IQSEC1: variants seen among roughly 807,000 people sequenced by gnomAD.
The protein encoded by IQSEC1 is IQ motif and SEC7 domain-containing protein 1.
IQSEC1 carries 31 observed loss-of-function variants against 91.0 expected under a neutral mutation model. That is an observed-to-expected ratio of 0.34 (90% confidence interval 0.26 to 0.46). IQSEC1 has a LOEUF of 0.46. Ranked by LOEUF, IQSEC1 falls within the 20% of genes least tolerant of loss-of-function variation. The pLI is 1.00. For missense variants in IQSEC1, 1,388 were observed against 1,575.6 expected (o/e 0.88, Z 2.02); for synonymous variants, 699 against 662.6 (o/e 1.05, Z -0.84).
intron 1 of IQSEC1, among the ~76,000 whole-genome samples, chr3:13,002,930 A>C (rs1702482725): frequency 6.6e-6 from 1 of 152,236 alleles, no homozygotes; most frequent in South Asian, 2.1e-4. Flanking sequence ...ATTTCTAAAA[A>C]GTTAAACAGA....
Position 13,259,400 on chromosome 3 carries a change from C to T in IQSEC1, c.272+23311G>A, listed in dbSNP as rs543517753. ...AGCGTCAGGGGAACTGACTGCTGGC[C>T]TGCACTAAGCCCAGTGCCATATTCT... On this transcript the variant is annotated intron_variant, in intron 1 of 15. Coordinates refer to the IQSEC1 transcript ENST00000648114. The surrounding 1 kb of genome is among the most constrained non-coding windows in gnomAD (Gnocchi z 4.6). Among the ~76,000 whole-genome samples, 1 of 152,304 alleles carries T rather than the reference C, an allele frequency of 6.6e-6. No individual in the cohort carries two copies. The highest frequency in any genetic ancestry group is 6.5e-5 in the Admixed American group (1 of 15,312).
chr3:13,038,559 T>A (rs144846281), intron 1 of IQSEC1, among the ~76,000 whole-genome samples: 9 of 152,002 alleles, frequency 5.9e-5, no homozygotes, highest in African/African-American at 1.9e-4. Context: ...ATAGAAGGAA[T>A]GAGTAAGTGA....
chr3:12,941,984 AC>A lies in IQSEC1; in HGVS notation c.24-120del, dbSNP rs554163575. ...GAGCCCCCATGCCCGTTCTTCTCACACCCCATGGCTGAGTCCACATGTGCAG... is the reference window on the plus strand; with the variant it reads ...GAGCCCCCATGCCCGTTCTTCTCACACCCATGGCTGAGTCCACATGTGCAG... On this transcript the variant is annotated intron_variant, in intron 1 of 13. Transcript: ENST00000613206. 33 of 935,720 alleles carry A rather than the reference AC, an allele frequency of 3.5e-5. No homozygotes were observed. The African/African-American group carries it at 4.5e-4, about 13-fold the overall frequency. The allele number at this position is 935,720 out of a possible 1,614,324, so 58.0% of individuals were successfully genotyped here.
chr3:12,973,764 TTTAATG>T (rs565843798), intron 1 of IQSEC1, among the ~76,000 whole-genome samples: 1 of 152,194 alleles, frequency 6.6e-6, no homozygotes, highest in Non-Finnish European at 1.5e-5. Context: ...ACAAAGTGGC[TTTAATG>T]TTAAAGTCTG....
chr3:13,091,439 C>A (rs1215126411), intron 2 of IQSEC1, among the ~76,000 whole-genome samples: 2 of 152,236 alleles, frequency 1.3e-5, no homozygotes, highest in Non-Finnish European at 2.9e-5. Flanking sequence ...TGGAATGAGA[C>A]CCAGGACAGT....
At chr3:13,109,618 G>A (rs34602178) in intron 2 of IQSEC1, among the ~76,000 whole-genome samples, 16,231 of 151,822 alleles carry the variant, frequency 0.11, 975 homozygotes, top group Non-Finnish European at 0.12. Context: ...GGCAAGATCC[G>A]GTCATTTAGA....
chr3:13,267,906 C>G (rs182951112), intron 1 of IQSEC1, among the ~76,000 whole-genome samples: 1 of 152,168 alleles, frequency 6.6e-6, no homozygotes, highest in Non-Finnish European at 1.5e-5. Flanking sequence ...TGTGAACCAC[C>G]GCGCCTGGCC....
intron 2 of IQSEC1, among the ~76,000 whole-genome samples, chr3:13,153,997 G>A (rs373143850): frequency 2.6e-5 from 4 of 152,086 alleles, no homozygotes; most frequent in African/African-American, 9.7e-5. Flanking sequence ...CATGAGGCAG[G>A]GCATGGAGGG....
chr3:13,096,870 T>C (rs1705973973), intron 2 of IQSEC1, among the ~76,000 whole-genome samples: 1 of 151,056 alleles, frequency 6.6e-6, no homozygotes. Context: ...CTTTCTTTTT[T>C]TTTTTTTTGA....
chr3:12,936,916 GT>G (rs549408443), intron 2 of IQSEC1, among the ~76,000 whole-genome samples: 61 of 151,872 alleles, frequency 4.0e-4, no homozygotes, highest in African/African-American at 1.4e-3. Flanking sequence ...GTGCAACCAT[GT>G]TTTTCCTCTC....
At chr3:13,139,530 A>T (rs1350954746) in intron 2 of IQSEC1, among the ~76,000 whole-genome samples, 2 of 152,248 alleles carry the variant, frequency 1.3e-5, no homozygotes, top group African/African-American at 4.8e-5. Flanking sequence ...TGCAGGTCTC[A>T]TCCTGCTACT....
intron 1 of IQSEC1, among the ~76,000 whole-genome samples, chr3:13,036,901 GCAT>G (rs1704058212): frequency 6.6e-6 from 1 of 152,180 alleles, no homozygotes; most frequent in Non-Finnish European, 1.5e-5. Context: ...CCAGACAACG[GCAT>G]CCACGGCATG....
chr3:13,091,522 C>T (rs1167391761), intron 2 of IQSEC1, among the ~76,000 whole-genome samples: 2 of 152,112 alleles, frequency 1.3e-5, no homozygotes, highest in African/African-American at 4.8e-5. Context: ...TTCCCCTGGC[C>T]TCCTGGCCTC....
intron 1 of IQSEC1, among the ~76,000 whole-genome samples, chr3:13,070,955 T>C (rs905115479): frequency 6.6e-6 from 1 of 152,146 alleles, no homozygotes; most frequent in African/African-American, 2.4e-5. Context: ...TTGGAATCCA[T>C]ATAGAACATT....
At chr3:13,072,922 C>T in intron 1 of IQSEC1, 70 bp downstream of exon 1, 1 of 1,410,230 alleles carries the variant, frequency 7.1e-7, no homozygotes, top group Non-Finnish European at 9.8e-7. Context: ...ATGCCCCTCA[C>T]TCCAGCTCCC....
intron 1 of IQSEC1, among the ~76,000 whole-genome samples, chr3:13,002,882 A>AAT (rs35885161): frequency 0.68 from 103,157 of 151,846 alleles, 35,419 homozygotes; most frequent in East Asian, 0.87. Flanking sequence ...CACTGGTGGG[A>AAT]ACAAAAAGAT....
intron 1 of IQSEC1, among the ~76,000 whole-genome samples, chr3:13,273,654 G>A (rs528554341): frequency 6.6e-6 from 1 of 152,302 alleles, no homozygotes; most frequent in South Asian, 2.1e-4. Context: ...CAGCTCTGCA[G>A]CATCTCCTGA....
intron 1 of IQSEC1, among the ~76,000 whole-genome samples, chr3:13,051,776 T>C (rs1704700600): frequency 6.6e-6 from 1 of 152,258 alleles, no homozygotes; most frequent in South Asian, 2.1e-4. Flanking sequence ...CCTGCCTCAG[T>C]TTCCCTCTGC....
chr3:13,069,469 T>G (rs557811823), intron 1 of IQSEC1, among the ~76,000 whole-genome samples: 1 of 152,164 alleles, frequency 6.6e-6, no homozygotes, highest in South Asian at 2.1e-4. Context: ...CACCAGGGCT[T>G]CGCTTCCTTC....
Sources: gnomAD v4.1 joint callset for allele counts (sites outside exome capture counted in the v4.1 genomes callset) on GRCh38, gnomAD v4.1.1 for gene constraint, Gnocchi (gnomAD v3.1) non-coding constraint, MANE v1.5 for transcripts, NCBI Gene and HGNC (gene_info 2026-07-23, HGNC 2026-07-21) for gene names.